The following ZPBP variants were observed in gnomAD, a reference collection of about 807,000 sequenced individuals.
ZPBP encodes the protein zona pellucida-binding protein 1.
In ZPBP, 26 loss-of-function variants were observed where a neutral mutation model predicts 44.8. The observed-to-expected ratio is 0.58, with a 90% CI of 0.43 to 0.81. The LOEUF (loss-of-function observed/expected upper bound fraction) is 0.81, where lower values mean the gene tolerates loss of function less well. Ranked by LOEUF, ZPBP falls within the 30% of genes least tolerant of loss-of-function variation. The pLI is 0.00. For synonymous variants in ZPBP, 174 were observed against 153.2 expected (o/e 1.14, Z -1.00); for missense variants, 409 against 434.0 (o/e 0.94, Z 0.51).
chr7:49,923,699 T>C (rs2128748032), intron 1 of ZPBP, among the ~76,000 whole-genome samples: 1 of 152,348 alleles, frequency 6.6e-6, no homozygotes. Context: ...TTCCTTCACC[T>C]TTCATTGTAA....
At chr7:50,050,486 C>T (rs1800631552) in intron 4 of ZPBP, among the ~76,000 whole-genome samples, 1 of 151,876 alleles carries the variant, frequency 6.6e-6, no homozygotes, top group African/African-American at 2.4e-5. Flanking sequence ...GATGCAAAAA[C>T]AACTCAATGG....
At chr7:49,995,353 C>T (rs1198058515) in intron 6 of ZPBP, among the ~76,000 whole-genome samples, 1 of 152,096 alleles carries the variant, frequency 6.6e-6, no homozygotes, top group African/African-American at 2.4e-5. Context: ...TCTGGTGGGC[C>T]TTATGGACAG....
intron 2 of ZPBP, among the ~76,000 whole-genome samples, chr7:49,860,025 G>T (rs1374244929): frequency 6.6e-6 from 1 of 151,654 alleles, no homozygotes; most frequent in East Asian, 1.9e-4. Context: ...CTCTTTAAGG[G>T]CTTCTTTAAA....
chr7:50,069,446 G>T (rs907511547), intron 3 of ZPBP, among the ~76,000 whole-genome samples: 1 of 152,120 alleles, frequency 6.6e-6, no homozygotes, highest in African/African-American at 2.4e-5. Context: ...GCTAGGCAGG[G>T]CTGCATTCAT....
Position 50,031,155 on chromosome 7 carries a change from C to G in ZPBP, c.643G>C (p.Glu215Gln). Residue 215 changes from glutamate to glutamine, a missense_variant, in exon 5 of 8, where the codon GAA becomes CAA. Physicochemically the swap from Glu to Gln is conservative, Grantham distance 29. Around this residue, in one of 2 missense-constraint regions of ZPBP, gnomAD observed 367 missense variants for 363.1 expected, o/e 1.01. Coordinates refer to ENST00000046087, the MANE Select transcript of ZPBP (RefSeq NM_007009.3). Reference protein sequence around the residue: ...LSCEISLLKSECHRVKMQRAG... With the variant: ...LSCEISLLKSQCHRVKMQRAG... The stretch of plus-strand genomic sequence containing the variant: ...CTTTGCATTTTAACGCGATGGCATT[C>G]AGACTTAAGTAAGGAAATTTCACAT... 1 of 1,613,736 alleles carries G rather than the reference C, an allele frequency of 6.2e-7. No individual in the cohort carries two copies. Among genetic ancestry groups the G allele is most frequent in the Non-Finnish European group, 8.5e-7 (1 of 1,179,828 alleles).
At chr7:50,035,387 T>C (rs1485973907) in intron 4 of ZPBP, among the ~76,000 whole-genome samples, 2 of 152,206 alleles carry the variant, frequency 1.3e-5, no homozygotes, top group Non-Finnish European at 2.9e-5. Flanking sequence ...TTCTACTAAA[T>C]AGGTGACAGT....
chr7:49,925,113 T>G (rs1475719562), intron 1 of ZPBP, among the ~76,000 whole-genome samples: 2 of 152,202 alleles, frequency 1.3e-5, no homozygotes, highest in African/African-American at 4.8e-5. Flanking sequence ...TAGTATCTGG[T>G]CCATTTCTCC....
At chr7:49,983,945 T>A (rs6957155) in intron 6 of ZPBP, among the ~76,000 whole-genome samples, 51,416 of 140,024 alleles carry the variant, frequency 0.37, 9,348 homozygotes, top group East Asian at 0.64. Flanking sequence ...AACAAAAAAA[T>A]ATATAACTTC....
downstream of ZPBP, among the ~76,000 whole-genome samples, chr7:49,935,289 A>G (rs1342584960): frequency 1.3e-5 from 2 of 152,240 alleles, no homozygotes; most frequent in Non-Finnish European, 2.9e-5. Flanking sequence ...AATAAATGTG[A>G]TAAGTGATAT....
chr7:50,041,868 A>T (rs1289827492), intron 4 of ZPBP, among the ~76,000 whole-genome samples: 2 of 152,216 alleles, frequency 1.3e-5, no homozygotes, highest in Non-Finnish European at 2.9e-5. Flanking sequence ...GGGTAATAAC[A>T]AACACCTCTG....
At chr7:49,905,905 C>A (rs1793060683) in intron 1 of ZPBP, among the ~76,000 whole-genome samples, 1 of 152,218 alleles carries the variant, frequency 6.6e-6, no homozygotes, top group Non-Finnish European at 1.5e-5. Context: ...CTGCTACACT[C>A]CCACCAGCAC....
chr7:49,997,520 G>C (rs1797901770), intron 6 of ZPBP, among the ~76,000 whole-genome samples: 1 of 152,210 alleles, frequency 6.6e-6, no homozygotes, highest in Non-Finnish European at 1.5e-5. Flanking sequence ...TCACCTTTAA[G>C]GGTCTTCTAG....
chr7:50,045,361 T>C (rs1333306352), intron 4 of ZPBP, among the ~76,000 whole-genome samples: 2 of 152,164 alleles, frequency 1.3e-5, no homozygotes, highest in Non-Finnish European at 1.5e-5. Context: ...AGTCAAATTG[T>C]CTCTGTTTGC....
chr7:50,020,170 G>A (rs1275682796), intron 5 of ZPBP, among the ~76,000 whole-genome samples: 5 of 151,990 alleles, frequency 3.3e-5, no homozygotes, highest in African/African-American at 1.2e-4. Context: ...TGTCCACAAA[G>A]TAATTCAGAA....
intron 7 of ZPBP, chr7:49,942,952 T>C: frequency 6.1e-6 from 1 of 163,728 alleles, no homozygotes. Context: ...GTATTCATTC[T>C]GTCACTTCCT....
intron 6 of ZPBP, among the ~76,000 whole-genome samples, chr7:50,015,513 T>C (rs1433289449): frequency 6.6e-6 from 1 of 152,062 alleles, no homozygotes; most frequent in African/African-American, 2.4e-5. Flanking sequence ...GATTTCATGA[T>C]GAAGTCTCCA....
chr7:49,893,545 CAT>C (rs1366518099), intron 2 of ZPBP, among the ~76,000 whole-genome samples: 7 of 152,052 alleles, frequency 4.6e-5, no homozygotes, highest in African/African-American at 1.4e-4. Flanking sequence ...GGAAAACACA[CAT>C]GTCCACATGA....
intron 1 of ZPBP, among the ~76,000 whole-genome samples, chr7:49,902,229 T>C (rs1360963132): frequency 6.6e-6 from 1 of 151,900 alleles, no homozygotes; most frequent in Non-Finnish European, 1.5e-5. Context: ...TGAAAGATGT[T>C]CTCAAAAGAA....
chr7:50,010,076 G>A (rs1798500546), intron 6 of ZPBP, among the ~76,000 whole-genome samples: 1 of 152,162 alleles, frequency 6.6e-6, no homozygotes, highest in South Asian at 2.1e-4. Context: ...ATTATATATA[G>A]GTTTAACACA....
Sources: allele counts gnomAD v4.1 joint callset (sites outside exome capture counted in the v4.1 genomes callset), GRCh38; gene constraint gnomAD v4.1.1; regional missense constraint gnomAD v4.1.1; transcripts MANE v1.5; gene names NCBI Gene and HGNC (gene_info 2026-07-23, HGNC 2026-07-21).